KCTD1: variants seen among roughly 807,000 people sequenced by gnomAD.
KCTD1 encodes the protein potassium channel tetramerization domain containing 1, also known as BTB/POZ domain-containing protein KCTD1.
Under a neutral mutation model 66.0 loss-of-function variants are expected in KCTD1, and 24 were observed. The ratio of observed to expected loss-of-function variants is 0.36; its 90% confidence interval spans 0.26 to 0.51. KCTD1 has a LOEUF of 0.51. KCTD1 is among the 20% of genes least tolerant of loss of function. KCTD1 has a pLI of 0.95. For synonymous variants in KCTD1, 511 were observed against 517.2 expected (o/e 0.99, Z 0.16); for missense variants, 943 against 1,205.2 (o/e 0.78, Z 3.22).
chr18:26,543,388 CCCTCTTA>C (rs1369892821), intron 1 of KCTD1: 2 of 152,240 alleles, frequency 1.3e-5, no homozygotes, highest in Non-Finnish European at 2.9e-5. Context: ...GAACATCCCT[CCCTCTTA>C]GTCTTCAAAT....
chr18:26,548,272 C>T lies in KCTD1; in HGVS notation c.265G>A (p.Glu89Lys). 2.6e-6 allele frequency: 4 copies of T among 1,513,302 alleles called. No homozygotes were observed. Among genetic ancestry groups the T allele is most frequent in the Non-Finnish European group, 3.5e-6 (4 of 1,134,318 alleles). 93.7% of individuals were successfully genotyped at this position (1,513,302 alleles called of 1,614,324 possible). A position where few individuals can be genotyped will look rare whatever the true frequency, so the allele number is the denominator to read the frequency against. The change falls in exon 1 of 5, where the codon GAG becomes AAG. Residue 89 changes from glutamate (E) to lysine (K), a missense_variant. Glu to Lys is a moderately conservative substitution (Grantham distance 56). Transcript: ENST00000580059. ...EDGGGGLEED[E>K]EEEEEEEMGL... is the part of the protein sequence containing the mutation. ...ATCTCCTCCTCTTCCTCCTCCTCCT[C>T]GTCCTCCTCCAGCCCCCCACCTCCG...
intron 1 of KCTD1, among the ~76,000 whole-genome samples, chr18:26,614,154 G>A (rs560145459): frequency 6.6e-6 from 1 of 152,310 alleles, no homozygotes; most frequent in East Asian, 1.9e-4. Context: ...CTAGTCTAGT[G>A]TCTACTCCAT....
In KCTD1 at chr18:26,600,488, G is replaced by A. The variant is rs546075744; in HGVS notation, c.-16+28659C>T. On this transcript the variant is annotated intron_variant, in intron 1 of 4. Coordinates refer to the KCTD1 transcript ENST00000317932. ...GTGCTTAGCAGACAGAGTGAAGCTG[G>A]CTGGGGGGGGTGCAGTGGTGTGTAG... is the stretch of plus-strand genomic sequence containing the variant. 8.3e-5 allele frequency: 52 copies of A among 624,850 alleles called. 1 individual carries two copies. In the South Asian group the frequency reaches 9.7e-4, roughly 12 times the overall value. The allele number at this position is 624,850 out of a possible 1,614,324, so 38.7% of individuals were successfully genotyped here. A position where few individuals can be genotyped will look rare whatever the true frequency, so the allele number is the denominator to read the frequency against.
chr18:26,571,173 G>A (rs952726450), intron 1 of KCTD1, among the ~76,000 whole-genome samples: 1 of 152,104 alleles, frequency 6.6e-6, no homozygotes, highest in Non-Finnish European at 1.5e-5. Flanking sequence ...GGTGGAGACC[G>A]AGTATCCATT....
chr18:26,562,015 A>G (rs971825625), intron 1 of KCTD1, among the ~76,000 whole-genome samples: 4 of 152,092 alleles, frequency 2.6e-5, no homozygotes, highest in Non-Finnish European at 4.4e-5. Context: ...CTACATCCCT[A>G]TAGTTAATCA....
intron 1 of KCTD1, among the ~76,000 whole-genome samples, chr18:26,648,951 G>C (rs1243521152): frequency 6.6e-6 from 1 of 152,248 alleles, no homozygotes; most frequent in Non-Finnish European, 1.5e-5. Context: ...CTGGCACTTA[G>C]AGGCATTGTA....
At chr18:26,498,337 G>C (rs118119150) in intron 2 of KCTD1, among the ~76,000 whole-genome samples, 1 of 151,640 alleles carries the variant, frequency 6.6e-6, no homozygotes, top group South Asian at 2.1e-4. Flanking sequence ...AGAGACACTC[G>C]CTTTTTTATG....
At chr18:26,456,833 A>ATAT (rs1291224488) in intron 4 of KCTD1, 1 of 151,918 alleles carries the variant, frequency 6.6e-6, no homozygotes, top group Non-Finnish European at 1.5e-5. Context: ...AATCCAACAA[A>ATAT]TATTAGACTT....
intron 2 of KCTD1, among the ~76,000 whole-genome samples, chr18:26,498,045 C>CA (rs1490814465): frequency 6.6e-6 from 1 of 152,118 alleles, no homozygotes; most frequent in Non-Finnish European, 1.5e-5. Context: ...GGCACAGGGC[C>CA]ACGGTGTGCT....
intron 1 of KCTD1, chr18:26,542,948 A>C (rs1985042840): frequency 1.3e-5 from 2 of 152,222 alleles, no homozygotes; most frequent in Non-Finnish European, 2.9e-5. Flanking sequence ...TCCCAAAATG[A>C]CTGCTGCAAA....
chr18:26,467,267 C>T (rs1237967299), intron 3 of KCTD1, among the ~76,000 whole-genome samples: 1 of 152,018 alleles, frequency 6.6e-6, no homozygotes, highest in East Asian at 1.9e-4. Context: ...CCTGTAATCC[C>T]AGCACTTTGA....
rs191143571 is a variant in KCTD1 at position 26,514,092 on chromosome 18, A to G, written c.1810-12842T>C. Among the ~76,000 whole-genome samples, 20 of 152,310 alleles carry G rather than the reference A, an allele frequency of 1.3e-4. No homozygotes were observed. The East Asian group carries it at 3.5e-3, about 26-fold the overall frequency. Reference sequence around the variant, plus strand: ...TTATTTATATCTTTTATTGTTCTAGAATATTAGTCTGAAAGCAGCTTGAGA... The same window carrying G: ...TTATTTATATCTTTTATTGTTCTAGGATATTAGTCTGAAAGCAGCTTGAGA... On this transcript the variant is annotated intron_variant, in intron 1 of 4. Transcript: ENST00000580059.
intron 1 of KCTD1, among the ~76,000 whole-genome samples, chr18:26,648,965 G>A (rs1056946922): frequency 1.2e-4 from 19 of 152,216 alleles, no homozygotes; most frequent in African/African-American, 4.6e-4. Context: ...CATTGTATTG[G>A]TGTTACATAT....
At chr18:26,631,430 C>A (rs1469846063), upstream of KCTD1, among the ~76,000 whole-genome samples, 1 of 151,990 alleles carries the variant, frequency 6.6e-6, no homozygotes, top group African/African-American at 2.4e-5. Context: ...ATACTGTAGG[C>A]AATAGTAACA....
chr18:26,516,335 G>C (rs188242984), intron 1 of KCTD1, among the ~76,000 whole-genome samples: 1 of 152,100 alleles, frequency 6.6e-6, no homozygotes, highest in South Asian at 2.1e-4. Context: ...TATCCCATGG[G>C]AGGAACTTAC....
intron 1 of KCTD1, among the ~76,000 whole-genome samples, chr18:26,625,465 AGGT>A: frequency 1.3e-5 from 2 of 152,270 alleles, no homozygotes; most frequent in Non-Finnish European, 2.9e-5. Flanking sequence ...TGGTTTTATA[AGGT>A]GCTTTTCCCC....
intron 1 of KCTD1, among the ~76,000 whole-genome samples, chr18:26,594,615 G>T (rs1395010036): frequency 1.3e-5 from 2 of 152,156 alleles, no homozygotes; most frequent in Admixed American, 6.5e-5. Context: ...CCTGTTACTG[G>T]ATCTGCAGGC....
At chr18:26,508,018 A>G (rs1983134825) in intron 1 of KCTD1, among the ~76,000 whole-genome samples, 1 of 151,464 alleles carries the variant, frequency 6.6e-6, no homozygotes, top group Non-Finnish European at 1.5e-5. Context: ...AAATCCTCCA[A>G]TCAGAACACT....
chr18:26,539,557 G>A (rs1159235048), intron 1 of KCTD1, among the ~76,000 whole-genome samples: 1 of 152,176 alleles, frequency 6.6e-6, no homozygotes, highest in Non-Finnish European at 1.5e-5. Context: ...GTTAGAGATT[G>A]TGACAGTTTA....
Sources: allele counts gnomAD v4.1 joint callset (sites outside exome capture counted in the v4.1 genomes callset), GRCh38; gene constraint gnomAD v4.1.1; transcripts MANE v1.5; gene names NCBI Gene and HGNC (gene_info 2026-07-23, HGNC 2026-07-21).